PRORP: variants seen among roughly 807,000 people sequenced by gnomAD.
PRORP encodes protein only RNase P catalytic subunit, also known as mitochondrial ribonuclease P catalytic subunit.
PRORP carries 51 observed loss-of-function variants against 59.4 expected under a neutral mutation model. The ratio of observed to expected loss-of-function variants is 0.86; its 90% confidence interval spans 0.69 to 1.08. The LOEUF (loss-of-function observed/expected upper bound fraction) is 1.08, where lower values mean the gene tolerates loss of function less well. Ranked by LOEUF, PRORP falls within the 50% of genes least tolerant of loss-of-function variation. PRORP has a pLI of 0.00. For missense variants in PRORP, 646 were observed against 690.3 expected, an observed-to-expected ratio of 0.94 and a Z score of 0.72; for synonymous variants, 231 against 245.6, an observed-to-expected ratio of 0.94 and a Z score of 0.55.
chr14:35,154,934 A>G (rs1218707399), intron 4 of PRORP, among the ~76,000 whole-genome samples: 3 of 151,784 alleles, frequency 2.0e-5, no homozygotes, highest in East Asian at 3.9e-4. Flanking sequence ...TCAATCTGTT[A>G]CCCAGGCTGG....
In PRORP at chr14:35,180,738, T is replaced by C. The variant is rs776592330; in HGVS notation, c.1236T>C (p.Asn412=). The stretch of plus-strand genomic sequence containing the variant: ...TTGATGTTGTCATTGATGGTCTCAA[T>C]GTTGCCAAAATGTTTCCTAAAGTTC... ...PPFDVVIDGL[N]VAKMFPKVRE... The change falls in exon 5 of 8, where the codon AAT becomes AAC. Residue 412 remains asparagine, a synonymous_variant. Transcript: ENST00000534898. 2 of 1,613,188 alleles carry C rather than the reference T, an allele frequency of 1.2e-6. No homozygotes were observed. Among genetic ancestry groups the C allele is most frequent in the Admixed American group, 1.7e-5 (1 of 59,986 alleles).
At chr14:35,164,809 A>C (rs938005484) in intron 4 of PRORP, among the ~76,000 whole-genome samples, 1 of 152,236 alleles carries the variant, frequency 6.6e-6, no homozygotes, top group African/African-American at 2.4e-5. Context: ...AGACATATCC[A>C]GGTGAAATTC....
chr14:35,216,003 A>G (rs1595324227), intron 5 of PRORP, among the ~76,000 whole-genome samples: 1 of 146,234 alleles, frequency 6.8e-6, no homozygotes, highest in Admixed American at 7.0e-5. Context: ...CTGACCTCAA[A>G]TGATCCACCT....
At chr14:35,235,114 T>C (rs1205882380) in intron 5 of PRORP, 1 of 471,084 alleles carries the variant, frequency 2.1e-6, no homozygotes, top group Non-Finnish European at 4.0e-6. Flanking sequence ...TAATATTTTT[T>C]GAAGGAAAAT....
chr14:35,234,149 T>C (rs1218466817), intron 5 of PRORP, among the ~76,000 whole-genome samples: 1 of 152,196 alleles, frequency 6.6e-6, no homozygotes, highest in African/African-American at 2.4e-5. Context: ...TCTTTGTGCA[T>C]GTAGGGTTGG....
rs2047677813 is a variant in PRORP, at chr14:35,149,001, C to T, written c.1167+21390C>T. On this transcript the variant is annotated intron_variant, in intron 4 of 7. Coordinates refer to ENST00000534898, the MANE Select transcript of PRORP (RefSeq NM_014672.4). ...TGGCGCAATCTCGGCTCACTGCAAG[C>T]TCCGCCTCCCAGGTTCACGCCATTC... Among the ~76,000 whole-genome samples the T allele has an allele frequency of 2.1e-5, 3 of 140,138 alleles. No homozygotes were observed. The Admixed American group carries it at 2.3e-4, about 11-fold the overall frequency. The allele number at this position is 140,138 out of a possible 152,430, so 91.9% of individuals were successfully genotyped here. A position where few individuals can be genotyped will look rare whatever the true frequency, so the allele number is the denominator to read the frequency against.
upstream of PRORP, chr14:35,121,973 G>A (rs200197257): frequency 4.1e-5 from 66 of 1,614,098 alleles, no homozygotes; most frequent in Admixed American, 2.3e-4. Flanking sequence ...CGACTTCCGC[G>A]CAGCAGCTTC....
rs984931414 is a variant in PRORP at position 35,143,355 on chromosome 14, T to C, written c.1167+15744T>C. ...TTTTGTATTTTTAGTAGAGACGGGG[T>C]TTCACCATGTTGGCCAGGATGGTCT... On this transcript the variant is annotated intron_variant, in intron 4 of 7. Transcript: ENST00000534898. 4.8e-5 allele frequency among the ~76,000 whole-genome samples: 7 copies of C among 144,696 alleles called. 1 individual carries two copies. Among genetic ancestry groups the C allele is most frequent in the Non-Finnish European group, 1.1e-4 (7 of 65,250 alleles). 94.9% of individuals were successfully genotyped at this position (144,696 alleles called of 152,430 possible). A position where few individuals can be genotyped will look rare whatever the true frequency, so the allele number is the denominator to read the frequency against.
At chr14:35,128,277 T>TG (rs550613385) in intron 4 of PRORP, among the ~76,000 whole-genome samples, 278 of 148,584 alleles carry the variant, frequency 1.9e-3, no homozygotes, top group African/African-American at 6.7e-3. Flanking sequence ...TGTAGTTTTT[T>TG]GTTTTTTTTT....
At chr14:35,263,012 A>T in intron 5 of PRORP, 1 of 1,595,094 alleles carries the variant, frequency 6.3e-7, no homozygotes, top group Non-Finnish European at 8.5e-7. Context: ...CTGAAAAAGG[A>T]ACTGTTCAGC....
chr14:35,196,684 T>G (rs1465322349), intron 5 of PRORP, among the ~76,000 whole-genome samples: 2 of 152,154 alleles, frequency 1.3e-5, no homozygotes, highest in Non-Finnish European at 2.9e-5. Context: ...TTTCTTACTA[T>G]TCATTTTTCA....
chr14:35,235,968 C>G (rs2050200104), intron 5 of PRORP, among the ~76,000 whole-genome samples: 1 of 151,806 alleles, frequency 6.6e-6, no homozygotes, highest in South Asian at 2.1e-4. Context: ...GAGTGATACA[C>G]ACATATAGTC....
intron 5 of PRORP, among the ~76,000 whole-genome samples, chr14:35,184,913 C>CA (rs2139056646): frequency 6.6e-6 from 1 of 152,218 alleles, no homozygotes; most frequent in African/African-American, 2.4e-5. Flanking sequence ...TTTCTTTATC[C>CA]AATCTGTCAT....
chr14:35,123,697 G>A lies in PRORP; in HGVS notation c.452G>A (p.Cys151Tyr). 1.2e-6 allele frequency: 2 copies of A among 1,614,228 alleles called. No individual in the cohort carries two copies. The highest frequency in any genetic ancestry group is 1.7e-6 in the Non-Finnish European group (2 of 1,180,046). ...TGGATCATTTCACAGATGGCTGGCT[G>A]TCATAGCTCTATAGATGTGGCTAAA... The part of the protein sequence containing the change: ...ESWIISQMAG[C>Y]HSSIDVAKSL... The change falls in exon 2 of 8, where the codon TGT becomes TAT. Residue 151 changes from cysteine (C) to tyrosine (Y), a missense_variant. Cys to Tyr is a radical substitution (Grantham distance 194). Coordinates refer to ENST00000534898, the MANE Select transcript of PRORP (RefSeq NM_014672.4).
chr14:35,204,811 T>C (rs568365966), intron 5 of PRORP, among the ~76,000 whole-genome samples: 1 of 152,394 alleles, frequency 6.6e-6, no homozygotes, highest in South Asian at 2.1e-4. Flanking sequence ...ATTAAGCCTT[T>C]ATGGTATTTC....
At chr14:35,255,330 A>G (rs997899017) in intron 5 of PRORP, among the ~76,000 whole-genome samples, 1 of 152,000 alleles carries the variant, frequency 6.6e-6, no homozygotes, top group Non-Finnish European at 1.5e-5. Flanking sequence ...GGGTTTCACC[A>G]TGTTGGTCAG....
At chr14:35,177,191 G>A (rs1395684428) in intron 4 of PRORP, among the ~76,000 whole-genome samples, 1 of 97,880 alleles carries the variant, frequency 1.0e-5, no homozygotes, top group African/African-American at 3.6e-5. Flanking sequence ...TGGGATATTG[G>A]TCTAAAATTT....
At chr14:35,173,277 T>C (rs1177511814) in intron 4 of PRORP, among the ~76,000 whole-genome samples, 1 of 152,226 alleles carries the variant, frequency 6.6e-6, no homozygotes, top group East Asian at 1.9e-4. Context: ...GAATGACACA[T>C]TGCAGAGGCT....
chr14:35,203,597 G>A (rs905104564), intron 5 of PRORP, among the ~76,000 whole-genome samples: 13 of 152,166 alleles, frequency 8.5e-5, no homozygotes, highest in African/African-American at 3.1e-4. Flanking sequence ...GGGCGCAGTG[G>A]CTCATGCCTG....
Sources: allele counts gnomAD v4.1 joint callset (sites outside exome capture counted in the v4.1 genomes callset), GRCh38; gene constraint gnomAD v4.1.1; transcripts MANE v1.5; gene names NCBI Gene and HGNC (gene_info 2026-07-23, HGNC 2026-07-21).